TACC2: variants seen among roughly 807,000 people sequenced by gnomAD.
The protein encoded by TACC2 is transforming acidic coiled-coil containing protein 2, also known as transforming acidic coiled-coil-containing protein 2.
In TACC2, 137 loss-of-function variants were observed where a neutral mutation model predicts 227.3. That is an observed-to-expected ratio of 0.60 (90% CI 0.52 to 0.69). The LOEUF (loss-of-function observed/expected upper bound fraction) is 0.69, where lower values mean the gene tolerates loss of function less well. Ranked by LOEUF, TACC2 falls within the 30% of genes least tolerant of loss-of-function variation. The pLI is 0.00. For synonymous variants in TACC2, 1,523 were observed against 1,487.5 expected (o/e 1.02, Z -0.55); for missense variants, 3,470 against 3,694.4 (o/e 0.94, Z 1.57).
intron 5 of TACC2, among the ~76,000 whole-genome samples, chr10:122,121,999 G>A (rs1041000304): frequency 6.6e-5 from 10 of 152,174 alleles, no homozygotes; most frequent in African/African-American, 1.7e-4. Context: ...CAGGGTTCTC[G>A]CCATGGGTCT....
chr10:122,114,311 G>A (rs1028341438), intron 5 of TACC2, among the ~76,000 whole-genome samples: 2 of 152,230 alleles, frequency 1.3e-5, no homozygotes, highest in African/African-American at 4.8e-5. Context: ...ATGATATCTG[G>A]AAATGACTTT....
At chr10:122,026,810 G>A (rs1041539685) in intron 2 of TACC2, among the ~76,000 whole-genome samples, 1 of 151,218 alleles carries the variant, frequency 6.6e-6, no homozygotes, top group Non-Finnish European at 1.5e-5. Context: ...CTTTGTCATT[G>A]CTTTTTAGCA....
chr10:122,163,911 A>T (rs774491841), intron 7 of TACC2: 1 of 1,566,424 alleles, frequency 6.4e-7, no homozygotes, highest in African/African-American at 1.4e-5. Context: ...CTTGCACGCC[A>T]GGGCACAGCG....
chr10:122,064,603 T>C (rs1565194316), intron 3 of TACC2, among the ~76,000 whole-genome samples: 1 of 152,244 alleles, frequency 6.6e-6, no homozygotes, highest in Non-Finnish European at 1.5e-5. Flanking sequence ...CTGGACAACA[T>C]TGAGGACTTA....
At position 122,194,999 on chromosome 10, in the gene TACC2, C is replaced by T. The variant is rs1319696422; in HGVS notation, c.5835-41C>T. The T allele has an allele frequency of 1.3e-6, 2 of 1,568,072 alleles. No individual in the cohort carries two copies. Among genetic ancestry groups the T allele is most frequent in the South Asian group, 1.2e-5 (1 of 83,244 alleles). ...CCACACCGGCTCAGCAGAACTGGCT[C>T]TGGGCCCCTGTCTAACCTGTGCTTC... On this transcript the variant is annotated intron_variant, in intron 7 of 22. Coordinates refer to ENST00000369005, the MANE Select transcript of TACC2 (RefSeq NM_206862.4). This position sits in a 1 kb window ranked among gnomAD's most constrained non-coding sequence, Gnocchi z 4.4.
rs745963821 is a variant in TACC2 at position 122,249,135 on chromosome 10, A to G, written c.8639A>G (p.His2880Arg). The G allele has an allele frequency of 6.2e-7, 1 of 1,611,980 alleles. No homozygotes were observed. ...CAGAGGTACCAGGCCCTGAAGGTGCACGCGGAGGAGAAACTGGACAGGTAA... is the reference window on the plus strand; with the variant it reads ...CAGAGGTACCAGGCCCTGAAGGTGCGCGCGGAGGAGAAACTGGACAGGTAA... Reference protein sequence around the residue: ...EEQRYQALKVHAEEKLDRANA... With the variant: ...EEQRYQALKVRAEEKLDRANA... The change falls in exon 21 of 23, where the codon CAC becomes CGC. Residue 2880 changes from histidine to arginine, a missense_variant. By Grantham distance (29) the His-to-Arg change is conservative (BLOSUM62 0). Around this residue, in one of 10 missense-constraint regions of TACC2, gnomAD observed 89 missense variants for 91.4 expected, o/e 0.97. Coordinates refer to ENST00000369005, the MANE Select transcript of TACC2 (RefSeq NM_206862.4).
intron 3 of TACC2, among the ~76,000 whole-genome samples, chr10:122,059,686 T>G (rs867787848): frequency 6.6e-6 from 1 of 152,092 alleles, no homozygotes; most frequent in African/African-American, 2.4e-5. Flanking sequence ...TACACTGTAG[T>G]TAAGGAGTTA....
At chr10:122,071,552 A>G (rs944948534) in intron 3 of TACC2, among the ~76,000 whole-genome samples, 4 of 151,956 alleles carry the variant, frequency 2.6e-5, no homozygotes, top group African/African-American at 7.3e-5. Context: ...TCAGGAATGG[A>G]GTGGCACCTG....
chr10:122,155,136 C>T (rs2092377920), intron 7 of TACC2, among the ~76,000 whole-genome samples: 1 of 152,360 alleles, frequency 6.6e-6, no homozygotes, highest in South Asian at 2.1e-4. Flanking sequence ...CATTTGCTTT[C>T]TGTGCTTTCG....
chr10:122,109,056 A>G (rs10788241), intron 5 of TACC2, among the ~76,000 whole-genome samples: 126,311 of 152,064 alleles, frequency 0.83, 53,570 homozygotes, highest in East Asian at 0.98. Context: ...TCCACTTGTT[A>G]ATTGATGGGC....
rs1351481349 is a variant in TACC2 at position 122,085,325 on chromosome 10, C to T, written c.2825C>T (p.Pro942Leu). 1.9e-6 allele frequency: 3 copies of T among 1,614,082 alleles called. No homozygotes were observed. Among genetic ancestry groups the T allele is most frequent in the African/African-American group, 1.3e-5 (1 of 75,044 alleles). The change falls in exon 4 of 23, where the codon CCT (proline) becomes CTT (leucine). Residue 942 changes from proline (P) to leucine (L), a missense_variant. Transcript: ENST00000369005. ...ELSAPTRQKL[P>L]ALGEKRPEGA... is the part of the protein sequence containing the mutation. ...TCAGCACCAACGAGACAGAAGTTGC[C>T]TGCACTAGGGGAGAAGCGGCCAGAG...
At chr10:122,073,177 G>T (rs2078344770) in intron 3 of TACC2, among the ~76,000 whole-genome samples, 1 of 137,538 alleles carries the variant, frequency 7.3e-6, no homozygotes, top group Admixed American at 7.6e-5. Context: ...GCATACATGA[G>T]ATGAGCTCAC....
At chr10:122,136,285 G>A (rs1390939897) in intron 6 of TACC2, among the ~76,000 whole-genome samples, 2 of 141,988 alleles carry the variant, frequency 1.4e-5, no homozygotes, top group Non-Finnish European at 2.9e-5. Flanking sequence ...GAAACTAAGC[G>A]GGCGTCCTAG....
chr10:122,039,644 C>T (rs1458269945), intron 2 of TACC2, among the ~76,000 whole-genome samples: 5 of 152,122 alleles, frequency 3.3e-5, no homozygotes, highest in South Asian at 2.1e-4. Flanking sequence ...GGCAGTGAGC[C>T]GGCAGTTTAT....
chr10:122,199,409 T>A (rs529547481), intron 8 of TACC2, among the ~76,000 whole-genome samples: 1 of 152,322 alleles, frequency 6.6e-6, no homozygotes, highest in South Asian at 2.1e-4. Flanking sequence ...GGTTTTCGTA[T>A]ACACTGTCAC....
chr10:122,084,888 C>T lies in TACC2; in HGVS notation c.2388C>T (p.Leu796=), dbSNP rs74901704. 0.026 allele frequency: 42,449 copies of T among 1,614,070 alleles called. 703 individuals carry two copies. The highest frequency in any genetic ancestry group is 0.041 in the Middle Eastern group (248 of 6,062). ...CAGCAGACCTGGGGCTCACGGCACTCATCCTGGACCAAGATCAGCAGGGAA... is the reference window on the plus strand; with the variant it reads ...CAGCAGACCTGGGGCTCACGGCACTTATCCTGGACCAAGATCAGCAGGGAA... ...NLAADLGLTA[L]ILDQDQQGIP... is the part of the protein sequence containing the mutation. The change falls in exon 4 of 23, where the codon CTC becomes CTT. Residue 796 remains leucine (L), a synonymous_variant. Transcript: ENST00000369005.
At chr10:122,215,716 G>C (rs2095390814) in intron 10 of TACC2, among the ~76,000 whole-genome samples, 1 of 152,158 alleles carries the variant, frequency 6.6e-6, no homozygotes, top group African/African-American at 2.4e-5. Context: ...CTCCATTCAG[G>C]CCAGTTCATC....
chr10:122,236,186 C>CT (rs1314088825), intron 16 of TACC2, among the ~76,000 whole-genome samples: 1 of 152,104 alleles, frequency 6.6e-6, no homozygotes, highest in Admixed American at 6.5e-5. Flanking sequence ...GCACAGGTAC[C>CT]TTTAGGTCCT....
At chr10:122,078,272 T>A (rs1028208413) in intron 3 of TACC2, among the ~76,000 whole-genome samples, 4 of 148,582 alleles carry the variant, frequency 2.7e-5, no homozygotes, top group Admixed American at 1.3e-4. Flanking sequence ...ATGGCAACTC[T>A]CTATCTTTAC....
Sources: allele counts gnomAD v4.1 joint callset (sites outside exome capture counted in the v4.1 genomes callset), GRCh38; gene constraint gnomAD v4.1.1; regional missense constraint gnomAD v4.1.1; non-coding constraint Gnocchi (gnomAD v3.1); transcripts MANE v1.5; gene names NCBI Gene and HGNC (gene_info 2026-07-23, HGNC 2026-07-21).